Variants in ERC1 observed in about 807,000 individuals in gnomAD.
ERC1 encodes ELKS/RAB6-interacting/CAST family member 1, also known as RAB6 interacting protein 2.
A neutral mutation model predicts 132.0 loss-of-function variants in ERC1; 56 were observed. The observed-to-expected ratio is 0.42, with a 90% confidence interval of 0.34 to 0.53. The LOEUF is 0.53. ERC1 is among the 20% of genes least tolerant of loss of function. The probability of loss-of-function intolerance (pLI) is 0.03; values close to 1 mark genes in which losing one functional copy is unlikely to be tolerated. For synonymous variants in ERC1, 478 were observed against 476.1 expected, an observed-to-expected ratio of 1.00 and a Z score of -0.05; for missense variants, 1,202 against 1,349.9, an observed-to-expected ratio of 0.89 and a Z score of 1.72.
intron 12 of ERC1, among the ~76,000 whole-genome samples, chr12:1,205,899 TCA>T (rs1957313315): frequency 6.6e-6 from 1 of 152,132 alleles, no homozygotes; most frequent in Non-Finnish European, 1.5e-5. Context: ...GGTTTTGCTC[TCA>T]GTCTCTCTAA....
intron 15 of ERC1, among the ~76,000 whole-genome samples, chr12:1,297,967 C>G (rs11830570): frequency 0.31 from 46,929 of 151,904 alleles, 7,479 homozygotes; most frequent in Middle Eastern, 0.37. Flanking sequence ...TGACTCATGC[C>G]TGTGATCCCA....
upstream of ERC1, chr12:990,303 T>C (rs1162508906): frequency 1.3e-5 from 2 of 151,982 alleles, no homozygotes; most frequent in Non-Finnish European, 2.9e-5. Context: ...GGTTTAGAGA[T>C]AGCTTATCTA....
chr12:1,032,032 AAATCT>A (rs1460428527), intron 2 of ERC1, among the ~76,000 whole-genome samples: 1 of 151,994 alleles, frequency 6.6e-6, no homozygotes, highest in Non-Finnish European at 1.5e-5. Flanking sequence ...AGAATTTAGT[AAATCT>A]AATCTAATTC....
In ERC1 at chr12:1,371,966, C is replaced by T. The variant is rs1181099489; in HGVS notation, c.2914C>T (p.Leu972Phe). Residue 972 changes from leucine (L) to phenylalanine (F), a missense_variant, in exon 16 of 19, where the codon CTT (leucine) becomes TTT (phenylalanine). Leu to Phe is a conservative substitution (Grantham distance 22). Coordinates refer to ENST00000360905, the MANE Select transcript of ERC1 (RefSeq NM_178040.4). The part of the protein sequence containing the change: ...KREKDRLVQQ[L>F]KQQTQNRMKL... Reference sequence around the variant, plus strand: ...GGAGAAGGATCGTCTGGTACAGCAGCTTAAGCAGCAGGTATTATTAAATGC... The same window carrying T: ...GGAGAAGGATCGTCTGGTACAGCAGTTTAAGCAGCAGGTATTATTAAATGC... 3 of 1,613,580 alleles carry T rather than the reference C, an allele frequency of 1.9e-6. No homozygotes were observed. The African/African-American group carries it at 4.0e-5, about 22-fold the overall frequency.
intron 1 of ERC1, among the ~76,000 whole-genome samples, chr12:995,242 G>A (rs1960586529): frequency 6.6e-6 from 1 of 152,182 alleles, no homozygotes; most frequent in South Asian, 2.1e-4. Flanking sequence ...GGGCGACAGA[G>A]TGAGGGAAGG....
At chr12:1,479,242 T>C (rs11061774) in intron 18 of ERC1, among the ~76,000 whole-genome samples, 67,919 of 151,992 alleles carry the variant, frequency 0.45, 17,571 homozygotes, top group African/African-American at 0.72. Context: ...TTGTTCTTGG[T>C]GGCCGTCTTG....
In ERC1 at chr12:1,095,397, C is replaced by CAAAA. The variant is rs59513840; in HGVS notation, c.1087-9340_1087-9337dup. ...GTGAGCCGAGATTGTGCCACTGCAC[C>CAAAA]AAAAAAAAAAAAAAAATTGTTTCTA... On this transcript the variant is annotated intron_variant, in intron 3 of 18. Transcript: ENST00000360905. Among the ~76,000 whole-genome samples the CAAAA allele has an allele frequency of 1.6e-4, 21 of 132,932 alleles. No individual in the cohort carries two copies. The South Asian group carries it at 2.4e-3, about 15-fold the overall frequency. The allele number at this position is 132,932 out of a possible 152,430, so 87.2% of individuals were successfully genotyped here. A position where few individuals can be genotyped will look rare whatever the true frequency, so the allele number is the denominator to read the frequency against.
intron 2 of ERC1, among the ~76,000 whole-genome samples, chr12:1,069,853 CTT>C (rs1940003281): frequency 6.6e-6 from 1 of 152,092 alleles, no homozygotes; most frequent in South Asian, 2.1e-4. Context: ...TATGGGAAAA[CTT>C]AAGAGCTTTT....
At chr12:1,132,007 G>C (rs79340587) in intron 7 of ERC1, among the ~76,000 whole-genome samples, 1 of 152,266 alleles carries the variant, frequency 6.6e-6, no homozygotes, top group Admixed American at 6.5e-5. Flanking sequence ...CAATGACTGT[G>C]TGTGTCCTGC....
intron 11 of ERC1, among the ~76,000 whole-genome samples, chr12:1,187,524 C>T (rs1955235993): frequency 6.6e-6 from 1 of 151,984 alleles, no homozygotes. Context: ...AGCTTAGCCT[C>T]CCAAAGTGCT....
At position 1,175,590 on chromosome 12, in the gene ERC1, A is replaced by G. The variant is rs7132120; in HGVS notation, c.1738-4950A>G. Among the ~76,000 whole-genome samples, 328 of 151,146 alleles carry G rather than the reference A, an allele frequency of 2.2e-3. 2 individuals carry two copies. The highest frequency in any genetic ancestry group is 7.8e-3 in the African/African-American group (322 of 41,128). On this transcript the variant is annotated intron_variant, in intron 8 of 18. Transcript: ENST00000360905. Reference sequence around the variant, plus strand: ...CTATTGTTGCCCGGGCTGGAGTGCAATGGCGTGATCTTGGTTCACTGCAAC... The same window carrying G: ...CTATTGTTGCCCGGGCTGGAGTGCAGTGGCGTGATCTTGGTTCACTGCAAC...
intron 12 of ERC1, among the ~76,000 whole-genome samples, chr12:1,230,691 GCTGT>G (rs924246604): frequency 2.0e-5 from 3 of 152,070 alleles, no homozygotes; most frequent in Admixed American, 6.6e-5. Context: ...TTATTGTATT[GCTGT>G]CTGTTTCTCC....
rs184189442 is a variant in ERC1 at position 1,231,497 on chromosome 12, A to G, written c.2352-5272A>G. Among the ~76,000 whole-genome samples, 3 of 152,128 alleles carry G rather than the reference A, an allele frequency of 2.0e-5. No individual in the cohort carries two copies. The East Asian group carries it at 5.8e-4, about 29-fold the overall frequency. On this transcript the variant is annotated intron_variant, in intron 12 of 18. Transcript: ENST00000360905. The stretch of plus-strand genomic sequence containing the variant: ...GTATTCTGAATTTGACTGTATATTT[A>G]TTTTTACCAGTGAGTTTTATACTTT...
At chr12:1,026,308 A>G (rs1230825334) in intron 1 of ERC1, among the ~76,000 whole-genome samples, 3 of 152,228 alleles carry the variant, frequency 2.0e-5, no homozygotes, top group South Asian at 2.1e-4. Flanking sequence ...TGATTCAGTT[A>G]AGTACACCTG....
At chr12:1,062,986 CTA>C (rs1229592312) in intron 2 of ERC1, among the ~76,000 whole-genome samples, 1 of 152,126 alleles carries the variant, frequency 6.6e-6, no homozygotes, top group Non-Finnish European at 1.5e-5. Context: ...ACTTGAAAGT[CTA>C]TTTTGTTTGA....
intron 18 of ERC1, among the ~76,000 whole-genome samples, chr12:1,468,643 G>A (rs2093795980): frequency 6.6e-6 from 1 of 151,592 alleles, no homozygotes; most frequent in Non-Finnish European, 1.5e-5. Flanking sequence ...AAGGAAAGGA[G>A]GAAGAAAGAA....
intron 17 of ERC1, among the ~76,000 whole-genome samples, chr12:1,413,059 A>T (rs1481679675): frequency 6.6e-6 from 1 of 152,228 alleles, no homozygotes; most frequent in Non-Finnish European, 1.5e-5. Flanking sequence ...AGACATATTG[A>T]TGGTGATAGC....
chr12:1,198,606 T>A (rs1956565818), intron 12 of ERC1, among the ~76,000 whole-genome samples: 1 of 152,228 alleles, frequency 6.6e-6, no homozygotes, highest in Admixed American at 6.5e-5. Flanking sequence ...TTCGTTCTCA[T>A]GCTGCTATAA....
chr12:1,471,327 A>G lies in ERC1; in HGVS notation c.3214-18766A>G, dbSNP rs571209864. ...TGGAAAGTTGCTGTAGGCACAGACT[A>G]TCACGTAGAAAAAACTGAAATTATC... On this transcript the variant is annotated intron_variant, in intron 18 of 18. Transcript: ENST00000360905. Among the ~76,000 whole-genome samples the G allele has an allele frequency of 1.0e-3, 158 of 152,202 alleles. 1 individual carries two copies. The highest frequency in any genetic ancestry group is 6.8e-3 in the Middle Eastern group (2 of 294).
Sources: gnomAD v4.1 joint callset for allele counts (sites outside exome capture counted in the v4.1 genomes callset) on GRCh38, gnomAD v4.1.1 for gene constraint, MANE v1.5 for transcripts, NCBI Gene and HGNC (gene_info 2026-07-23, HGNC 2026-07-21) for gene names.